Variants in PTPRM observed in about 807,000 individuals in gnomAD.
The protein encoded by PTPRM is protein tyrosine phosphatase receptor type M, also known as receptor-type tyrosine-protein phosphatase mu.
PTPRM carries 47 observed loss-of-function variants against 186.7 expected under a neutral mutation model. The observed-to-expected ratio is 0.25, with a 90% CI of 0.20 to 0.32. PTPRM has a LOEUF of 0.32. PTPRM is among the 10% of genes least tolerant of loss of function. PTPRM has a pLI of 1.00. For missense variants in PTPRM, 1,494 were observed against 1,865.0 expected (o/e 0.80, Z 3.66); for synonymous variants, 668 against 674.9 (o/e 0.99, Z 0.16).
At chr18:8,200,173 G>C (rs940857859) in intron 14 of PTPRM, among the ~76,000 whole-genome samples, 1 of 152,114 alleles carries the variant, frequency 6.6e-6, no homozygotes, top group Non-Finnish European at 1.5e-5. Flanking sequence ...GCCTTAAGAG[G>C]TTACAAAGTA....
intron 1 of PTPRM, among the ~76,000 whole-genome samples, chr18:7,706,644 C>T (rs1034932719): frequency 2.8e-5 from 4 of 144,542 alleles, no homozygotes; most frequent in African/African-American, 1.0e-4. Context: ...CAAAATGTGC[C>T]TGTTTCCATT....
intron 7 of PTPRM, among the ~76,000 whole-genome samples, chr18:8,029,634 C>T (rs573019636): frequency 6.6e-5 from 10 of 152,318 alleles, no homozygotes; most frequent in Middle Eastern, 3.4e-3. Flanking sequence ...ATGCCTCTAT[C>T]ACTGTCCTGA....
chr18:8,347,475 TAC>T (rs1378478283), intron 23 of PTPRM, among the ~76,000 whole-genome samples: 1 of 152,134 alleles, frequency 6.6e-6, no homozygotes, highest in Non-Finnish European at 1.5e-5. Flanking sequence ...AAATAATAAT[TAC>T]ACACTAAAGC....
At chr18:8,333,277 AG>A (rs1448250189) in intron 22 of PTPRM, among the ~76,000 whole-genome samples, 7 of 152,246 alleles carry the variant, frequency 4.6e-5, no homozygotes, top group Non-Finnish European at 1.0e-4. Context: ...AAGTAGCCTC[AG>A]GGGAGAACAA....
intron 2 of PTPRM, 195 bp from the exon 3 acceptor site, chr18:7,887,911 C>A: frequency 1.3e-6 from 1 of 768,176 alleles, no homozygotes; most frequent in South Asian, 1.4e-5. Context: ...ATACTATGTG[C>A]ACTCTTGAGA....
intron 2 of PTPRM, among the ~76,000 whole-genome samples, chr18:7,863,215 C>T (rs1813689): frequency 0.43 from 65,593 of 151,856 alleles, 17,673 homozygotes; most frequent in African/African-American, 0.75. Context: ...AAAATTTTTT[C>T]ATTATACTTT....
Position 7,658,330 on chromosome 18 carries a change from TTATATATATATATATATA to T in PTPRM, c.73+90452_73+90469del, listed in dbSNP as rs34009975. 2.7e-4 allele frequency among the ~76,000 whole-genome samples: 33 copies of T among 124,446 alleles called. 1 individual carries two copies. The highest frequency in any genetic ancestry group is 5.0e-4 in the Non-Finnish European group (29 of 58,536). The allele number at this position is 124,446 out of a possible 152,430, so 81.6% of individuals were successfully genotyped here. ...GTGGCTTCCTAAAATTAAAGTAAATTTATATATATATATATATATATATATATATACATACACACACAC... is the reference window on the plus strand; with the variant it reads ...GTGGCTTCCTAAAATTAAAGTAAATTTATATATATATACATACACACACAC... On this transcript the variant is annotated intron_variant, in intron 1 of 32. Transcript: ENST00000580170.
At chr18:8,248,353 G>T in intron 17 of PTPRM, 177 bp downstream of exon 17, 1 of 718,568 alleles carries the variant, frequency 1.4e-6, no homozygotes, top group Non-Finnish European at 2.5e-6. Context: ...TCTCTAAACA[G>T]TCGCCATTAA....
At chr18:7,717,401 AT>A (rs1313145155) in intron 1 of PTPRM, among the ~76,000 whole-genome samples, 1 of 152,126 alleles carries the variant, frequency 6.6e-6, no homozygotes, top group Non-Finnish European at 1.5e-5. Flanking sequence ...TGAGGGAAAG[AT>A]TACCTACCTG....
intron 14 of PTPRM, among the ~76,000 whole-genome samples, chr18:8,145,059 C>T (rs759101575): frequency 6.6e-6 from 1 of 151,962 alleles, no homozygotes; most frequent in Non-Finnish European, 1.5e-5. Flanking sequence ...ATAACTCTAA[C>T]GTTAGGATTG....
chr18:7,653,151 A>C (rs1350278638), intron 1 of PTPRM, among the ~76,000 whole-genome samples: 1 of 148,760 alleles, frequency 6.7e-6, no homozygotes, highest in Non-Finnish European at 1.5e-5. Context: ...TATTATTATT[A>C]TCATTATTGT....
At chr18:7,794,057 A>T (rs1404327025) in intron 2 of PTPRM, among the ~76,000 whole-genome samples, 3 of 152,128 alleles carry the variant, frequency 2.0e-5, no homozygotes, top group African/African-American at 7.2e-5. Flanking sequence ...ACTCCAGGGG[A>T]AAATCATCTC....
intron 13 of PTPRM, among the ~76,000 whole-genome samples, chr18:8,130,973 G>C (rs1008586746): frequency 3.3e-5 from 5 of 152,166 alleles, no homozygotes; most frequent in African/African-American, 1.2e-4. Context: ...GCACAAACCT[G>C]GCTCCAAGGG....
chr18:7,594,493 AAAACC>A (rs2037205502), intron 1 of PTPRM, among the ~76,000 whole-genome samples: 1 of 151,920 alleles, frequency 6.6e-6, no homozygotes, highest in Non-Finnish European at 1.5e-5. Flanking sequence ...AACGAAAAAA[AAAACC>A]AAACAAACAA....
At chr18:8,392,626 CA>C (rs915793805) in intron 31 of PTPRM, among the ~76,000 whole-genome samples, 236 of 134,800 alleles carry the variant, frequency 1.8e-3, no homozygotes, top group Non-Finnish European at 2.2e-3. Flanking sequence ...GACTCCATCT[CA>C]AAAAAAAAAA....
At position 8,370,995 on chromosome 18, in the gene PTPRM, G is replaced by T. The variant is rs2095659644; in HGVS notation, c.3160G>T (p.Ala1054Ser). ...LLAEYVIRTF[A>S]VEKRGVHEIR... ...GGCAGAATATGTGATAAGAACATTT[G>T]CTGTTGAAAAGGTAAGTTTTCATAC... The change falls in exon 24 of 33, where the codon GCT becomes TCT. Residue 1054 changes from alanine (A) to serine (S), a missense_variant. Around this residue, in one of 3 missense-constraint regions of PTPRM, gnomAD observed 1,107 missense variants for 1,350.2 expected, o/e 0.82. Transcript: ENST00000580170. The T allele has an allele frequency of 6.3e-7, 1 of 1,588,862 alleles. No individual in the cohort carries two copies. Among genetic ancestry groups the T allele is most frequent in the Admixed American group, 1.7e-5 (1 of 59,078 alleles).
chr18:7,974,817 G>C (rs1443577492), intron 7 of PTPRM, among the ~76,000 whole-genome samples: 1 of 152,182 alleles, frequency 6.6e-6, no homozygotes, highest in Non-Finnish European at 1.5e-5. Context: ...ATTAAGGACC[G>C]ATAATAACTA....
At chr18:8,242,596 G>T (rs2094442537) in intron 14 of PTPRM, among the ~76,000 whole-genome samples, 1 of 152,282 alleles carries the variant, frequency 6.6e-6, no homozygotes, top group African/African-American at 2.4e-5. Flanking sequence ...CACTGTCAGA[G>T]ATGTTATAAG....
intron 32 of PTPRM, among the ~76,000 whole-genome samples, chr18:8,396,928 G>T (rs568303544): frequency 1.8e-4 from 28 of 152,308 alleles, no homozygotes; most frequent in African/African-American, 5.8e-4. Context: ...GTTTAGTTTG[G>T]TGTTGATACC....
Sources: allele counts gnomAD v4.1 joint callset (sites outside exome capture counted in the v4.1 genomes callset), GRCh38; gene constraint gnomAD v4.1.1; regional missense constraint gnomAD v4.1.1; transcripts MANE v1.5; gene names NCBI Gene and HGNC (gene_info 2026-07-23, HGNC 2026-07-21).